PARD3B: variants seen among roughly 807,000 people sequenced by gnomAD.
PARD3B encodes the protein partitioning defective 3 homolog B.
Under a neutral mutation model 130.2 loss-of-function variants are expected in PARD3B, and 103 were observed. The observed-to-expected ratio is 0.79, with a 90% confidence interval of 0.67 to 0.93. The LOEUF (loss-of-function observed/expected upper bound fraction) is 0.93, where lower values mean the gene tolerates loss of function less well. Ranked by LOEUF, PARD3B falls within the 40% of genes least tolerant of loss-of-function variation. The pLI is 0.00. For synonymous variants in PARD3B, 583 were observed against 553.2 expected, an observed-to-expected ratio of 1.05 and a Z score of -0.76; for missense variants, 1,609 against 1,499.2, an observed-to-expected ratio of 1.07 and a Z score of -1.21.
chr2:204,849,628 T>G (rs922791256), intron 2 of PARD3B, among the ~76,000 whole-genome samples: 1 of 152,206 alleles, frequency 6.6e-6, no homozygotes, highest in African/African-American at 2.4e-5. Flanking sequence ...TTTCATACAT[T>G]AGGCCTTCAT....
intron 1 of PARD3B, among the ~76,000 whole-genome samples, chr2:204,566,823 A>G (rs2031697881): frequency 1.3e-5 from 2 of 149,822 alleles, no homozygotes; most frequent in South Asian, 4.2e-4. Context: ...CTTTTTTAGT[A>G]TCTTTAGGCA....
rs373504735 is a variant in PARD3B, at chr2:204,965,156, T to C, written c.227T>C (p.Ile76Thr). The change falls in exon 3 of 23, where the codon ATT becomes ACT. Residue 76 changes from isoleucine (I) to threonine (T), a missense_variant. Physicochemically the swap from Ile to Thr is moderately conservative, Grantham distance 89. Transcript: ENST00000406610. ...TGTTGTTGGATTTGTTTGTAGCTGA[T>C]TGCTGTGTTTGAAGAACAAGAACCA... ...ADVVEDKDKL[I>T]AVFEEQEPLH... is the part of the protein sequence containing the mutation. The C allele has an allele frequency of 2.1e-5, 34 of 1,613,188 alleles. No homozygotes were observed. The highest frequency in any genetic ancestry group is 6.7e-5 in the East Asian group (3 of 44,874).
At chr2:204,655,994 T>C (rs2035625644) in intron 1 of PARD3B, among the ~76,000 whole-genome samples, 1 of 151,976 alleles carries the variant, frequency 6.6e-6, no homozygotes, top group African/African-American at 2.4e-5. Flanking sequence ...GGTGGCTTCT[T>C]CTCCAGCAGG....
rs2040199100 is a variant in PARD3B at position 205,258,982 on chromosome 2, C to T, written c.2185+13160C>T. ...AATTATACACTGCATTTTTGGCATG[C>T]ATACCTAACAAAATCTAAAATTAGT... On this transcript the variant is annotated intron_variant, in intron 16 of 22. Coordinates refer to ENST00000406610, the MANE Select transcript of PARD3B (RefSeq NM_001302769.2). This position sits in a 1 kb window ranked among gnomAD's most constrained non-coding sequence, Gnocchi z 4.9. Among the ~76,000 whole-genome samples, 1 of 152,078 alleles carries T rather than the reference C, an allele frequency of 6.6e-6. No homozygotes were observed. The highest frequency in any genetic ancestry group is 2.1e-4 in the South Asian group (1 of 4,830).
intron 6 of PARD3B, 62 bp downstream of exon 6, chr2:205,113,639 T>A (rs1201452556): frequency 1.0e-6 from 1 of 975,676 alleles, no homozygotes; most frequent in Admixed American, 2.9e-5. Flanking sequence ...GAGCTCCTTT[T>A]CCCAAATATT....
At chr2:205,132,517 A>G (rs1331178101) in intron 10 of PARD3B, among the ~76,000 whole-genome samples, 1 of 152,118 alleles carries the variant, frequency 6.6e-6, no homozygotes, top group African/African-American at 2.4e-5. Flanking sequence ...ATATCTACTT[A>G]TAGGTCATTT....
intron 4 of PARD3B, among the ~76,000 whole-genome samples, chr2:205,096,011 G>T (rs1385265297): frequency 1.3e-5 from 2 of 152,076 alleles, no homozygotes; most frequent in African/African-American, 4.8e-5. Flanking sequence ...TCATGCCATA[G>T]ATTTATTCCT....
At chr2:205,283,352 T>C (rs1377451958) in intron 16 of PARD3B, among the ~76,000 whole-genome samples, 1 of 152,182 alleles carries the variant, frequency 6.6e-6, no homozygotes, top group East Asian at 1.9e-4. Context: ...GGTGCAAACA[T>C]GGCTCAACTG....
rs1340263558 is a variant in PARD3B at position 205,253,173 on chromosome 2, G to C, written c.2185+7351G>C. On this transcript the variant is annotated intron_variant, in intron 16 of 22. Coordinates refer to ENST00000406610, the MANE Select transcript of PARD3B (RefSeq NM_001302769.2). The surrounding 1 kb of genome is among the most constrained non-coding windows in gnomAD (Gnocchi z 4.4). The stretch of plus-strand genomic sequence containing the variant: ...TGTTTGGGTTTAGCTCCAACTTACA[G>C]GTTAGGACCAGCTTTTCTGCAGGTG... The C allele has an allele frequency of 2.6e-6, 1 of 386,298 alleles. No individual in the cohort carries two copies. The highest frequency in any genetic ancestry group is 9.2e-4 in the Middle Eastern group (1 of 1,086). 23.9% of individuals were successfully genotyped at this position (386,298 alleles called of 1,614,324 possible). A position where few individuals can be genotyped will look rare whatever the true frequency, so the allele number is the denominator to read the frequency against.
chr2:204,836,046 A>G (rs2044020770), intron 2 of PARD3B, among the ~76,000 whole-genome samples: 1 of 152,238 alleles, frequency 6.6e-6, no homozygotes, highest in Non-Finnish European at 1.5e-5. Flanking sequence ...GAAGTGAAGG[A>G]TGCATGTTTC....
intron 2 of PARD3B, among the ~76,000 whole-genome samples, chr2:204,826,864 A>G (rs142922568): frequency 1.1e-3 from 168 of 152,228 alleles, no homozygotes; most frequent in African/African-American, 3.7e-3. Flanking sequence ...TACAAAAATT[A>G]AAAATATTAG....
chr2:204,788,568 A>T (rs999425830), intron 2 of PARD3B, among the ~76,000 whole-genome samples: 1 of 152,226 alleles, frequency 6.6e-6, no homozygotes, highest in African/African-American at 2.4e-5. Flanking sequence ...ATGTCCCATC[A>T]TTTCTGATGG....
chr2:205,114,381 G>C (rs767637376), intron 6 of PARD3B, among the ~76,000 whole-genome samples: 3 of 152,168 alleles, frequency 2.0e-5, no homozygotes, highest in African/African-American at 7.2e-5. Context: ...ATTGACAAGG[G>C]TTGTCAGAAA....
chr2:204,884,702 T>A (rs552932810), intron 2 of PARD3B, among the ~76,000 whole-genome samples: 1 of 152,166 alleles, frequency 6.6e-6, no homozygotes, highest in Non-Finnish European at 1.5e-5. Flanking sequence ...AGTGAGAACA[T>A]GTGATGTTTG....
At chr2:205,354,026 CTTTTTTTTTTTT>C (rs869308018) in intron 18 of PARD3B, among the ~76,000 whole-genome samples, 2 of 50,354 alleles carry the variant, frequency 4.0e-5, no homozygotes. Context: ...TTTTCTTTTC[CTTTTTTTTTTTT>C]TTTTTTTTTT....
intron 15 of PARD3B, among the ~76,000 whole-genome samples, chr2:205,235,691 A>C (rs901179944): frequency 3.9e-5 from 6 of 152,364 alleles, no homozygotes; most frequent in African/African-American, 7.2e-5. Context: ...ACAAGATTTC[A>C]TCACACTACT....
At chr2:205,326,481 A>C (rs891054877) in intron 18 of PARD3B, among the ~76,000 whole-genome samples, 1 of 152,198 alleles carries the variant, frequency 6.6e-6, no homozygotes, top group African/African-American at 2.4e-5. Context: ...GGAGATGACC[A>C]AGTCAGGCTC....
At chr2:205,594,845 A>G (rs2054513256) in intron 22 of PARD3B, among the ~76,000 whole-genome samples, 1 of 152,238 alleles carries the variant, frequency 6.6e-6, no homozygotes, top group Non-Finnish European at 1.5e-5. Flanking sequence ...CCACTCAGCC[A>G]TAAAGTTTGG....
rs1010096733 is a variant in PARD3B at position 205,563,664 on chromosome 2, T to G, written c.3260+10261T>G. On this transcript the variant is annotated intron_variant, in intron 22 of 22. Coordinates refer to ENST00000406610, the MANE Select transcript of PARD3B (RefSeq NM_001302769.2). This position sits in a 1 kb window ranked among gnomAD's most constrained non-coding sequence, Gnocchi z 4.2. ...ACCTACGGGTTGTAAAAAAAAAAAG[T>G]AATAAAATACAAGAAAATAGTAGGG... Among the ~76,000 whole-genome samples the G allele has an allele frequency of 6.8e-6, 1 of 147,228 alleles. No homozygotes were observed. The highest frequency in any genetic ancestry group is 1.5e-5 in the Non-Finnish European group (1 of 66,064).
Sources: gnomAD v4.1 joint callset for allele counts (sites outside exome capture counted in the v4.1 genomes callset) on GRCh38, gnomAD v4.1.1 for gene constraint, Gnocchi (gnomAD v3.1) non-coding constraint, MANE v1.5 for transcripts, NCBI Gene and HGNC (gene_info 2026-07-23, HGNC 2026-07-21) for gene names.